HELLS: variants seen among roughly 807,000 people sequenced by gnomAD.
HELLS encodes the protein helicase, lymphoid specific.
A neutral mutation model predicts 120.0 loss-of-function variants in HELLS; 32 were observed. The ratio of observed to expected loss-of-function variants is 0.27; its 90% CI spans 0.20 to 0.36. The LOEUF is 0.36. HELLS is among the 10% of genes least tolerant of loss of function. The pLI, the probability that HELLS is intolerant of heterozygous loss-of-function variation, is 1.00. For synonymous variants in HELLS, 341 were observed against 323.4 expected, an observed-to-expected ratio of 1.05 and a Z score of -0.58; for missense variants, 650 against 993.4, an observed-to-expected ratio of 0.65 and a Z score of 4.65.
At chr10:94,561,969 G>C (rs1429261405) in intron 4 of HELLS, among the ~76,000 whole-genome samples, 2 of 151,012 alleles carry the variant, frequency 1.3e-5, no homozygotes, top group Admixed American at 1.3e-4. Context: ...TTTTAGTAGA[G>C]ACAGGGTTTC....
In HELLS at chr10:94,576,679, T is replaced by C; in HGVS notation, c.906T>C (p.Tyr302=). Residue 302 remains tyrosine, a synonymous_variant, in exon 10 of 22, where the codon TAT becomes TAC. Transcript: ENST00000348459. ...RFTPDIPTML[Y]HGTQEERQKL... ...TTTTTCAGATCCCTACAATGTTATATCATGGAACCCAGGAGGAACGTCAAA... is the reference window on the plus strand; with the variant it reads ...TTTTTCAGATCCCTACAATGTTATACCATGGAACCCAGGAGGAACGTCAAA... 1 of 1,602,636 alleles carries C rather than the reference T, an allele frequency of 6.2e-7. No individual in the cohort carries two copies. The highest frequency in any genetic ancestry group is 8.5e-7 in the Non-Finnish European group (1 of 1,170,808).
intron 2 of HELLS, among the ~76,000 whole-genome samples, chr10:94,550,274 T>A (rs1842920447): frequency 6.6e-6 from 1 of 151,824 alleles, no homozygotes; most frequent in Non-Finnish European, 1.5e-5. Context: ...TATTTAGGTT[T>A]TTTTTGCTTG....
rs753103929 is a variant in HELLS, at chr10:94,590,434, C to A, written c.1510C>A (p.Pro504Thr). Residue 504 changes from proline (P) to threonine (T), a missense_variant, in exon 14 of 22, where the codon CCT becomes ACT. By Grantham distance (38) the Pro-to-Thr change is conservative. This residue lies in a region of HELLS where 191 missense variants were observed against 259.7 expected (regional missense o/e 0.74). Coordinates refer to ENST00000348459, the MANE Select transcript of HELLS (RefSeq NM_018063.5). The stretch of plus-strand genomic sequence containing the variant: ...TTAGAAAGAAACAATTGAGTTAAGT[C>A]CTACTGGTCGACCAAAACGACGAAC... ...SSEKETIELSPTGRPKRRTRK... is the reference protein window; with the variant it reads ...SSEKETIELSTTGRPKRRTRK... 13 of 1,608,288 alleles carry A rather than the reference C, an allele frequency of 8.1e-6. No individual in the cohort carries two copies. Among genetic ancestry groups the A allele is most frequent in the Non-Finnish European group, 1.0e-5 (12 of 1,178,846 alleles).
At chr10:94,551,907 T>G (rs1842996641) in intron 2 of HELLS, among the ~76,000 whole-genome samples, 1 of 151,970 alleles carries the variant, frequency 6.6e-6, no homozygotes, top group Non-Finnish European at 1.5e-5. Flanking sequence ...ACGCGGCTAA[T>G]TTTTTGTATT....
intron 12 of HELLS, among the ~76,000 whole-genome samples, chr10:94,587,377 C>T (rs1009456078): frequency 6.6e-6 from 1 of 152,108 alleles, no homozygotes; most frequent in East Asian, 1.9e-4. Context: ...GTATCCATCC[C>T]TTCAAGCATT....
intron 10 of HELLS, among the ~76,000 whole-genome samples, chr10:94,580,185 A>ATTTT (rs57237348): frequency 1.4e-5 from 1 of 69,378 alleles, no homozygotes; most frequent in Non-Finnish European, 2.6e-5. Context: ...ACACACACAC[A>ATTTT]TTTTTTTTTT....
intron 17 of HELLS, among the ~76,000 whole-genome samples, chr10:94,593,142 T>C (rs547259048): frequency 1.4e-4 from 21 of 152,346 alleles, no homozygotes; most frequent in Non-Finnish European, 2.4e-4. Flanking sequence ...AGATATAGAA[T>C]GTTACCATCA....
intron 1 of HELLS, 62 bp from the exon 2 acceptor site, chr10:94,546,315 T>G: frequency 1.9e-6 from 3 of 1,603,594 alleles, no homozygotes; most frequent in Non-Finnish European, 2.6e-6. Flanking sequence ...CTGTTTCTTG[T>G]TGGAGTTGAG....
At position 94,545,790 on chromosome 10, in the gene HELLS, A is replaced by C; in HGVS notation, c.-132A>C. ...GCGAGATGACAGGATTTTCCCGCGA[A>C]GGAGAAGCGCGCTTTTTTCCCTGGC... is the stretch of plus-strand genomic sequence containing the variant. On this transcript the variant is annotated 5_prime_UTR_variant, in exon 1 of 22. Transcript: ENST00000348459. 2.0e-6 allele frequency: 2 copies of C among 991,092 alleles called. No individual in the cohort carries two copies. Among genetic ancestry groups the C allele is most frequent in the Non-Finnish European group, 3.1e-6 (2 of 636,290 alleles). The allele number at this position is 991,092 out of a possible 1,614,324, so 61.4% of individuals were successfully genotyped here.
chr10:94,564,763 A>G (rs983126923), intron 6 of HELLS, among the ~76,000 whole-genome samples: 2 of 151,692 alleles, frequency 1.3e-5, no homozygotes, highest in Non-Finnish European at 2.9e-5. Flanking sequence ...ACAGGTACCT[A>G]TTTGTATTTT....
At chr10:94,552,808 C>CAA (rs35245286) in intron 2 of HELLS, among the ~76,000 whole-genome samples, 10 of 144,548 alleles carry the variant, frequency 6.9e-5, no homozygotes, top group Middle Eastern at 3.7e-3. Context: ...CCTGTCTTTA[C>CAA]AAAAAAAAAA....
At chr10:94,613,873 T>C (rs1846218838) in exon 10 of HELLS, 1 of 152,228 alleles carries the variant, frequency 6.6e-6, no homozygotes, top group Admixed American at 6.5e-5. Flanking sequence ...TATATATGTT[T>C]TCCTGTTTAA....
Position 94,574,739 on chromosome 10 carries a change from A to G in HELLS, c.888+3A>G, listed in dbSNP as rs1844346513. On this transcript the variant is annotated splice_donor_region_variant and intron_variant, in intron 9 of 21. Coordinates refer to ENST00000348459, the MANE Select transcript of HELLS (RefSeq NM_018063.5). ...AATTCAAAAGATTTACACCAGATGT[A>G]AGACATGCTTCCTTATGTTAAAATT... The G allele has an allele frequency of 1.2e-6, 2 of 1,604,308 alleles. No homozygotes were observed. The highest frequency in any genetic ancestry group is 2.2e-5 in the South Asian group (2 of 89,880).
intron 2 of HELLS, among the ~76,000 whole-genome samples, chr10:94,550,555 C>T (rs1341704281): frequency 1.3e-5 from 2 of 152,072 alleles, no homozygotes. Flanking sequence ...GCCAGGATTA[C>T]AGGCGTGAGC....
intron 13 of HELLS, 30 bp from the exon 14 acceptor site, chr10:94,590,383 C>T: frequency 1.3e-6 from 2 of 1,576,484 alleles, no homozygotes; most frequent in Non-Finnish European, 1.7e-6. Flanking sequence ...GCTTTATAAA[C>T]TGAATTTCTT....
At chr10:94,554,349 G>A (rs1843134228) in intron 3 of HELLS, 101 bp downstream of exon 3, 6 of 806,890 alleles carry the variant, frequency 7.4e-6, no homozygotes, top group Non-Finnish European at 1.1e-5. Context: ...GATTTTAAGT[G>A]TACGGTTTGC....
intron 19 of HELLS, among the ~76,000 whole-genome samples, chr10:94,595,221 C>G (rs1330575345): frequency 2.7e-5 from 4 of 145,510 alleles, no homozygotes; most frequent in South Asian, 2.4e-4. Flanking sequence ...GAACAAGACT[C>G]TGTCTCAAAA....
chr10:94,562,761 C>G lies in HELLS; in HGVS notation c.370+34C>G, dbSNP rs367679020. On this transcript the variant is annotated intron_variant, in intron 5 of 21. Coordinates refer to ENST00000348459, the MANE Select transcript of HELLS (RefSeq NM_018063.5). ...CCTTATTCTAGTTTTGAAGAATATG[C>G]GTTTATATTTCTATTTTAATTGCTA... 8.4e-6 allele frequency: 13 copies of G among 1,545,474 alleles called. No homozygotes were observed. In the African/African-American group the frequency reaches 1.5e-4, roughly 18 times the overall value.
intron 4 of HELLS, 114 bp downstream of exon 4, chr10:94,558,309 C>T: frequency 7.8e-7 from 1 of 1,277,330 alleles, no homozygotes; most frequent in Non-Finnish European, 1.0e-6. Flanking sequence ...TAGTGATAAA[C>T]CTAACTTTGT....
Sources: allele counts gnomAD v4.1 joint callset (sites outside exome capture counted in the v4.1 genomes callset), GRCh38; gene constraint gnomAD v4.1.1; regional missense constraint gnomAD v4.1.1; transcripts MANE v1.5; gene names NCBI Gene and HGNC (gene_info 2026-07-23, HGNC 2026-07-21).